AGBL1: variants seen among roughly 807,000 people sequenced by gnomAD.
AGBL1 encodes the protein cytosolic carboxypeptidase 4.
A neutral mutation model predicts 118.9 loss-of-function variants in AGBL1; 130 were observed. The ratio of observed to expected loss-of-function variants is 1.09; its 90% CI spans 0.95 to 1.26. AGBL1 has a LOEUF of 1.26. Among genes scored for constraint, AGBL1 ranks in the 50% most tolerant of loss-of-function variants. The probability of loss-of-function intolerance (pLI) is 0.00; values close to 1 mark genes in which losing one functional copy is unlikely to be tolerated. For missense variants in AGBL1, 1,584 were observed against 1,298.1 expected, an observed-to-expected ratio of 1.22 and a Z score of -3.38; for synonymous variants, 555 against 478.9, an observed-to-expected ratio of 1.16 and a Z score of -2.08.
intron 22 of AGBL1, among the ~76,000 whole-genome samples, chr15:86,777,256 C>T (rs1461189089): frequency 6.6e-6 from 1 of 151,900 alleles, no homozygotes; most frequent in African/African-American, 2.4e-5. Context: ...TGCACCTGTA[C>T]CATCCAGGTT....
intron 21 of AGBL1, among the ~76,000 whole-genome samples, chr15:86,627,061 C>T (rs948907798): frequency 2.6e-5 from 4 of 151,450 alleles, no homozygotes; most frequent in Non-Finnish European, 5.9e-5. Context: ...AATGCAATGG[C>T]GCAATCTTGG....
chr15:86,903,645 C>T (rs1053208105), intron 22 of AGBL1, among the ~76,000 whole-genome samples: 1 of 152,134 alleles, frequency 6.6e-6, no homozygotes, highest in Non-Finnish European at 1.5e-5. Flanking sequence ...TTCTCTGACA[C>T]CATTCACACA....
At chr15:86,100,225 G>T (rs1247275495) in intron 1 of AGBL1, among the ~76,000 whole-genome samples, 1 of 152,164 alleles carries the variant, frequency 6.6e-6, no homozygotes, top group Admixed American at 6.5e-5. Flanking sequence ...ATGCATGTTA[G>T]ATTTAGTAAG....
In AGBL1 at chr15:86,522,889, C is replaced by T. The variant is rs1490471480; in HGVS notation, c.2635C>T (p.His879Tyr). The change falls in exon 19 of 23, where the codon CAT (histidine) becomes TAT (tyrosine). Residue 879 changes from histidine to tyrosine, a missense_variant. Transcript: ENST00000614907. ...PSAHLQPTIY[H>Y]AKGLLYHLSS... ...TGCTCATCTGCAGCCAACCATTTAC[C>T]ATGCCAAAGGCCTCCTCTACCACCT... The T allele has an allele frequency of 2.0e-5, 33 of 1,613,954 alleles. No homozygotes were observed. Among genetic ancestry groups the T allele is most frequent in the Non-Finnish European group, 2.7e-5 (32 of 1,179,838 alleles).
At chr15:86,836,579 T>C (rs1263236962) in intron 22 of AGBL1, among the ~76,000 whole-genome samples, 3 of 152,166 alleles carry the variant, frequency 2.0e-5, no homozygotes, top group Non-Finnish European at 4.4e-5. Flanking sequence ...AGTTATATTA[T>C]CTTCTCCTTC....
chr15:86,436,244 G>A (rs373355435), intron 18 of AGBL1, among the ~76,000 whole-genome samples: 1 of 151,738 alleles, frequency 6.6e-6, no homozygotes, highest in Non-Finnish European at 1.5e-5. Context: ...TAAGCTTAGA[G>A]GAAGTCTCAT....
intron 17 of AGBL1, among the ~76,000 whole-genome samples, chr15:86,298,246 AATATATATATATATATAT>A (rs59968237): frequency 0.064 from 4,481 of 69,828 alleles, 408 homozygotes; most frequent in East Asian, 0.25. Flanking sequence ...GTCTGTGTAT[AATATATATATATATATAT>A]ATATATATAT....
chr15:86,508,906 C>T (rs111580820), intron 18 of AGBL1, among the ~76,000 whole-genome samples: 13 of 152,086 alleles, frequency 8.5e-5, no homozygotes, highest in Admixed American at 1.3e-4. Flanking sequence ...TGAGTACATA[C>T]GAAGCATTTT....
downstream of AGBL1, among the ~76,000 whole-genome samples, chr15:86,917,180 G>A (rs1461712331): frequency 6.6e-6 from 1 of 152,112 alleles, no homozygotes; most frequent in Non-Finnish European, 1.5e-5. This position sits in a 1 kb window ranked among gnomAD's most constrained non-coding sequence, Gnocchi z 4.8. Flanking sequence ...TGGGGGAGAG[G>A]CGTGGCTGCT....
At chr15:86,117,317 T>G (rs1897827174) in intron 1 of AGBL1, among the ~76,000 whole-genome samples, 1 of 151,940 alleles carries the variant, frequency 6.6e-6, no homozygotes, top group African/African-American at 2.4e-5. Context: ...CTGACCAACT[T>G]TTTTTTCCCT....
At chr15:86,484,715 T>C (rs2082693028) in intron 18 of AGBL1, among the ~76,000 whole-genome samples, 2 of 152,124 alleles carry the variant, frequency 1.3e-5, no homozygotes, top group African/African-American at 4.8e-5. Flanking sequence ...CCATGTCTTA[T>C]CAAGAAATTC....
chr15:86,667,797 C>T (rs980496677), intron 21 of AGBL1, among the ~76,000 whole-genome samples: 3 of 152,194 alleles, frequency 2.0e-5, no homozygotes, highest in Non-Finnish European at 2.9e-5. Flanking sequence ...TTCTAAAATT[C>T]CTATTTATAT....
At chr15:86,176,542 C>T (rs906948114) in intron 5 of AGBL1, among the ~76,000 whole-genome samples, 8 of 152,192 alleles carry the variant, frequency 5.3e-5, no homozygotes, top group Admixed American at 5.2e-4. Context: ...GTGTAGAACA[C>T]CGCGTGGGCT....
intron 22 of AGBL1, among the ~76,000 whole-genome samples, chr15:86,876,495 G>A (rs1182749507): frequency 2.0e-5 from 3 of 152,166 alleles, no homozygotes; most frequent in East Asian, 1.9e-4. Context: ...CCTCTCCTGC[G>A]GGAACAAGTT....
chr15:86,776,787 TGTGAGA>T (rs1181329958), intron 22 of AGBL1, among the ~76,000 whole-genome samples: 2 of 128,206 alleles, frequency 1.6e-5, no homozygotes, highest in African/African-American at 6.8e-5. Flanking sequence ...TGTGTGTGTG[TGTGAGA>T]GAGAGAGAGA....
At chr15:86,918,487 C>T (rs536383901), downstream of AGBL1, among the ~76,000 whole-genome samples, 11 of 151,994 alleles carry the variant, frequency 7.2e-5, no homozygotes, top group East Asian at 1.9e-4. Context: ...GAAATGGATC[C>T]GTATCATGCC....
intron 23 of AGBL1, among the ~76,000 whole-genome samples, chr15:86,954,032 C>G (rs2080905826): frequency 6.6e-6 from 1 of 152,130 alleles, no homozygotes; most frequent in South Asian, 2.1e-4. Context: ...TCAAAAACCA[C>G]AATGAGTTAC....
chr15:86,967,177 G>T (rs2081063591), intron 23 of AGBL1, among the ~76,000 whole-genome samples: 1 of 151,974 alleles, frequency 6.6e-6, no homozygotes, highest in Non-Finnish European at 1.5e-5. Context: ...GGGGTTGTTT[G>T]TTTTTTTCTT....
intron 21 of AGBL1, among the ~76,000 whole-genome samples, chr15:86,561,778 A>G (rs1034595419): frequency 6.6e-6 from 1 of 152,208 alleles, no homozygotes; most frequent in Non-Finnish European, 1.5e-5. Flanking sequence ...GATTCTTCCT[A>G]TCCATGAGCA....
Sources: allele counts gnomAD v4.1 joint callset (sites outside exome capture counted in the v4.1 genomes callset), GRCh38; gene constraint gnomAD v4.1.1; non-coding constraint Gnocchi (gnomAD v3.1); transcripts MANE v1.5; gene names NCBI Gene and HGNC (gene_info 2026-07-23, HGNC 2026-07-21).